ATP2A2: variants seen among roughly 807,000 people sequenced by gnomAD.
ATP2A2 encodes the protein ATPase sarcoplasmic/endoplasmic reticulum Ca2+ transporting 2, also known as sarcoplasmic/endoplasmic reticulum calcium ATPase 2.
In ATP2A2, 14 loss-of-function variants were observed where a neutral mutation model predicts 109.3. That is an observed-to-expected ratio of 0.13 (90% CI 0.08 to 0.20). The LOEUF is 0.20. ATP2A2 is among the 10% of genes least tolerant of loss of function. The pLI is 1.00. For synonymous variants in ATP2A2, 506 were observed against 490.9 expected, an observed-to-expected ratio of 1.03 and a Z score of -0.41; for missense variants, 657 against 1,321.6, an observed-to-expected ratio of 0.50 and a Z score of 7.80.
chr12:110,344,508 G>T (rs932601854), intron 16 of ATP2A2, among the ~76,000 whole-genome samples: 9 of 152,140 alleles, frequency 5.9e-5, no homozygotes, highest in African/African-American at 1.9e-4. Flanking sequence ...AAAAGTCCTG[G>T]TGTAATCTAG....
Position 110,349,449 on chromosome 12 carries a change from C to T in ATP2A2, c.*2979C>T, listed in dbSNP as rs1880196906. ...CCTCTCTGAGCTTTGCCCAGAAGACCAACAATCATACATACCCTAACTGGG... is the reference window on the plus strand; with the variant it reads ...CCTCTCTGAGCTTTGCCCAGAAGACTAACAATCATACATACCCTAACTGGG... On this transcript the variant is annotated 3_prime_UTR_variant, in exon 20 of 20. Transcript: ENST00000539276. The T allele has an allele frequency of 1.1e-5, 11 of 985,412 alleles. No homozygotes were observed. Among genetic ancestry groups the T allele is most frequent in the Non-Finnish European group, 1.2e-5 (10 of 829,986 alleles). The allele number at this position is 985,412 out of a possible 1,614,324, so 61.0% of individuals were successfully genotyped here. A position where few individuals can be genotyped will look rare whatever the true frequency, so the allele number is the denominator to read the frequency against.
chr12:110,336,975 GT>G (rs1404861486), intron 11 of ATP2A2, among the ~76,000 whole-genome samples: 4 of 152,200 alleles, frequency 2.6e-5, no homozygotes, highest in African/African-American at 7.2e-5. Context: ...GAGGGTTTGA[GT>G]CGTTTGATTC....
chr12:110,347,187 A>C lies in ATP2A2; in HGVS notation c.*717A>C. On this transcript the variant is annotated 3_prime_UTR_variant, in exon 20 of 20. Transcript: ENST00000539276. Reference sequence around the variant, plus strand: ...CAATCGACTGGGTTTATGTCCCTTCACATAGTTTTTAAGGTTATTTATTTA... The same window carrying C: ...CAATCGACTGGGTTTATGTCCCTTCCCATAGTTTTTAAGGTTATTTATTTA... The C allele has an allele frequency of 8.4e-7, 1 of 1,192,178 alleles. No homozygotes were observed. The allele number at this position is 1,192,178 out of a possible 1,614,324, so 73.8% of individuals were successfully genotyped here.
Position 110,349,669 on chromosome 12 carries a change from A to G in ATP2A2, c.*3199A>G, listed in dbSNP as rs771033529. On this transcript the variant is annotated 3_prime_UTR_variant, in exon 20 of 20. Transcript: ENST00000539276. ...AGACCACAAGATTAGCTCAGTGTCT[A>G]CCAAGCATCTAGCCACTGTCCAGGG... 7.2e-5 allele frequency: 71 copies of G among 990,182 alleles called. No individual in the cohort carries two copies. Among genetic ancestry groups the G allele is most frequent in the Non-Finnish European group, 8.2e-5 (68 of 832,492 alleles). 61.3% of individuals were successfully genotyped at this position (990,182 alleles called of 1,614,324 possible).
Position 110,350,472 on chromosome 12 carries a change from T to TG in ATP2A2, c.*4006dup, listed in dbSNP as rs1880299403. 9.4e-7 allele frequency: 1 copy of TG among 1,060,734 alleles called. No homozygotes were observed. The highest frequency in any genetic ancestry group is 1.4e-6 in the Non-Finnish European group (1 of 711,398). The allele number at this position is 1,060,734 out of a possible 1,614,324, so 65.7% of individuals were successfully genotyped here. On this transcript the variant is annotated 3_prime_UTR_variant, in exon 20 of 20. Coordinates refer to ENST00000539276, the MANE Select transcript of ATP2A2 (RefSeq NM_170665.4). ...ATGTGGAGGAAATGTGTATTACCAA[T>TG]GGGGTTGTTAGCTTTTAAATCAAAA...
At chr12:110,280,911 C>T (rs2137666780), upstream of ATP2A2, 1 of 152,650 alleles carries the variant, frequency 6.6e-6, no homozygotes, top group South Asian at 2.1e-4. Flanking sequence ...AACCATCCGC[C>T]CACCGGCCCC....
intron 11 of ATP2A2, among the ~76,000 whole-genome samples, chr12:110,337,500 C>T (rs919605583): frequency 3.9e-5 from 6 of 152,244 alleles, no homozygotes; most frequent in Non-Finnish European, 5.9e-5. Flanking sequence ...CAGAATCTAG[C>T]GTAGCACTCA....
chr12:110,293,963 G>A (rs1465240104), intron 4 of ATP2A2, among the ~76,000 whole-genome samples: 6 of 146,264 alleles, frequency 4.1e-5, no homozygotes, highest in African/African-American at 7.6e-5. Context: ...TGCAACCTCC[G>A]TCTTGTGGGT....
At chr12:110,318,507 C>G (rs1414262385) in intron 5 of ATP2A2, among the ~76,000 whole-genome samples, 1 of 152,122 alleles carries the variant, frequency 6.6e-6, no homozygotes. Flanking sequence ...GAGATGGAGT[C>G]TCGCCCTTTC....
intron 5 of ATP2A2, among the ~76,000 whole-genome samples, chr12:110,310,152 C>T (rs1324595688): frequency 3.5e-5 from 5 of 144,192 alleles, no homozygotes; most frequent in African/African-American, 7.6e-5. Flanking sequence ...TTTCTTTTTC[C>T]TTTTTTTTTT....
At position 110,345,315 on chromosome 12, in the gene ATP2A2, T is replaced by G; in HGVS notation, c.2674T>G (p.Ser892Ala). The G allele has an allele frequency of 6.2e-7, 1 of 1,614,134 alleles. No individual in the cohort carries two copies. Among genetic ancestry groups the G allele is most frequent in the Non-Finnish European group, 8.5e-7 (1 of 1,180,012 alleles). Residue 892 changes from serine to alanine, a missense_variant, in exon 18 of 20, where the codon TCC (serine) becomes GCC (alanine). This residue lies in a region of ATP2A2 where 125 missense variants were observed against 243.5 expected (regional missense o/e 0.51). Coordinates refer to ENST00000539276, the MANE Select transcript of ATP2A2 (RefSeq NM_170665.4). ...FEGVDCAIFE[S>A]PYPMTMALSV... Reference sequence around the variant, plus strand: ...AGGCGTGGATTGTGCAATCTTTGAATCCCCATACCCGATGACAATGGCGCT... The same window carrying G: ...AGGCGTGGATTGTGCAATCTTTGAAGCCCCATACCCGATGACAATGGCGCT...
At chr12:110,295,573 A>G (rs1433911023) in intron 4 of ATP2A2, among the ~76,000 whole-genome samples, 2 of 152,198 alleles carry the variant, frequency 1.3e-5, no homozygotes, top group East Asian at 1.9e-4. Flanking sequence ...AATGTCTGAT[A>G]TGAGATTGAA....
In ATP2A2 at chr12:110,334,224, T is replaced by C; in HGVS notation, c.1419+81T>C. The C allele has an allele frequency of 2.6e-6, 4 of 1,555,212 alleles. No individual in the cohort carries two copies. In the South Asian group the frequency reaches 3.3e-5, roughly 13 times the overall value. On this transcript the variant is annotated intron_variant, in intron 11 of 19. Transcript: ENST00000539276. ...ACTTAGTGTCTGCACTGTCCTACTC[T>C]CTTAGAAAACTAATTATACCTTATC...
intron 5 of ATP2A2, among the ~76,000 whole-genome samples, chr12:110,309,290 A>G (rs998688366): frequency 1.3e-5 from 2 of 150,572 alleles, no homozygotes; most frequent in African/African-American, 4.9e-5. Flanking sequence ...CCCTAGTAGC[A>G]GGGATTACAA....
At chr12:110,307,085 C>G (rs1161265283) in intron 5 of ATP2A2, among the ~76,000 whole-genome samples, 2 of 151,972 alleles carry the variant, frequency 1.3e-5, no homozygotes, top group Non-Finnish European at 2.9e-5. Flanking sequence ...GGGATATATA[C>G]CCAGTAATGG....
chr12:110,313,273 AAGG>A (rs1368085099), intron 5 of ATP2A2, among the ~76,000 whole-genome samples: 3 of 151,750 alleles, frequency 2.0e-5, no homozygotes, highest in African/African-American at 7.3e-5. Context: ...ATTTTGGAAA[AAGG>A]AGAAGAAACC....
At chr12:110,345,831 G>A in intron 18 of ATP2A2, 170 bp from the exon 19 acceptor site, 1 of 720,456 alleles carries the variant, frequency 1.4e-6, no homozygotes, top group Admixed American at 2.0e-5. Context: ...AGTTTGTCCT[G>A]CATTAGGACA....
In ATP2A2 at chr12:110,290,145, C is replaced by T. The variant is rs140978146; in HGVS notation, c.220-1875C>T. Among the ~76,000 whole-genome samples, 792 of 152,312 alleles carry T rather than the reference C, an allele frequency of 5.2e-3. 4 individuals are homozygous for T. Among genetic ancestry groups the T allele is most frequent in the Non-Finnish European group, 8.1e-3 (551 of 68,028 alleles). On this transcript the variant is annotated intron_variant, in intron 3 of 19. Coordinates refer to ENST00000539276, the MANE Select transcript of ATP2A2 (RefSeq NM_170665.4). ...CACTTCGGATCTCCCAACAGCTTTG[C>T]GGTTCTGAAACAGCCTTCAGTAGTA...
At chr12:110,328,810 C>G (rs548588374) in intron 8 of ATP2A2, among the ~76,000 whole-genome samples, 2 of 152,306 alleles carry the variant, frequency 1.3e-5, no homozygotes, top group East Asian at 3.9e-4. Context: ...TCAAGTGATC[C>G]TCCTGCCTTG....
Sources: gnomAD v4.1 joint callset for allele counts (sites outside exome capture counted in the v4.1 genomes callset) on GRCh38, gnomAD v4.1.1 for gene constraint, gnomAD v4.1.1 regional missense constraint, MANE v1.5 for transcripts, NCBI Gene and HGNC (gene_info 2026-07-23, HGNC 2026-07-21) for gene names.